The following TMEM245 variants were observed in gnomAD, a reference collection of about 807,000 sequenced individuals.
TMEM245 encodes protein CG-2.
Under a neutral mutation model 101.2 loss-of-function variants are expected in TMEM245, and 69 were observed. The observed-to-expected ratio is 0.68, with a 90% confidence interval of 0.56 to 0.83. The LOEUF (loss-of-function observed/expected upper bound fraction) is 0.83, where lower values mean the gene tolerates loss of function less well. Among genes scored for constraint, TMEM245 ranks in the 40% least tolerant of loss-of-function variants. The probability of loss-of-function intolerance (pLI) is 0.00; values close to 1 mark genes in which losing one functional copy is unlikely to be tolerated. For missense variants in TMEM245, 1,075 were observed against 1,092.8 expected (o/e 0.98, Z 0.23); for synonymous variants, 537 against 449.8 (o/e 1.19, Z -2.45).
intron 6 of TMEM245, among the ~76,000 whole-genome samples, chr9:109,086,605 T>C (rs1829846479): frequency 1.3e-5 from 2 of 152,242 alleles, no homozygotes; most frequent in Non-Finnish European, 2.9e-5. Flanking sequence ...TAGGTGCTAT[T>C]GTACCTATTT....
chr9:109,040,654 T>C (rs1225301924), intron 14 of TMEM245, among the ~76,000 whole-genome samples: 2 of 152,238 alleles, frequency 1.3e-5, no homozygotes, highest in Non-Finnish European at 2.9e-5. Flanking sequence ...CTGAATCATT[T>C]TGAGTGTGCA....
At position 109,050,281 on chromosome 9, in the gene TMEM245, A is replaced by G; in HGVS notation, c.2123+2T>C. On this transcript the variant is annotated splice_donor_variant, in intron 14 of 17. Coordinates refer to ENST00000374586, the MANE Select transcript of TMEM245 (RefSeq NM_032012.4). LOFTEE classifies it high-confidence loss of function. Reference sequence around the variant, plus strand: ...TAAGAATAGCATAAACCTTATCCCTACCTGATAGCTTCTTCCACAGACTGG... The same window carrying G: ...TAAGAATAGCATAAACCTTATCCCTGCCTGATAGCTTCTTCCACAGACTGG... 6.2e-7 allele frequency: 1 copy of G among 1,613,994 alleles called. No homozygotes were observed. The highest frequency in any genetic ancestry group is 8.5e-7 in the Non-Finnish European group (1 of 1,179,974).
At chr9:109,113,089 G>A (rs1222205279) in intron 1 of TMEM245, among the ~76,000 whole-genome samples, 2 of 152,164 alleles carry the variant, frequency 1.3e-5, no homozygotes, top group Non-Finnish European at 2.9e-5. Context: ...GGGGCCAGGG[G>A]CAGGGCGGGG....
intron 12 of TMEM245, among the ~76,000 whole-genome samples, chr9:109,051,340 A>ACACACACACAC (rs71372547): frequency 5.5e-5 from 8 of 145,180 alleles, no homozygotes; most frequent in African/African-American, 2.0e-4. Flanking sequence ...ACACACACAC[A>ACACACACACAC]TCATTGTAGA....
chr9:109,036,479 A>T (rs1828126496), intron 15 of TMEM245, 99 bp from the exon 16 acceptor site: 11 of 1,143,128 alleles, frequency 9.6e-6, no homozygotes, highest in Non-Finnish European at 1.2e-5. Context: ...AACTTCCAAC[A>T]AAACAAGTTA....
At chr9:109,047,730 T>C (rs1025177510) in intron 14 of TMEM245, among the ~76,000 whole-genome samples, 10 of 152,206 alleles carry the variant, frequency 6.6e-5, no homozygotes, top group Admixed American at 3.3e-4. Context: ...TCAGTAACAA[T>C]GAAGATTACT....
At chr9:109,059,515 A>G (rs1350809565) in intron 11 of TMEM245, among the ~76,000 whole-genome samples, 2 of 152,042 alleles carry the variant, frequency 1.3e-5, no homozygotes, top group Non-Finnish European at 2.9e-5. Flanking sequence ...CCCTGTCTCT[A>G]CAAAAAATAC....
At position 109,020,344 on chromosome 9, in the gene TMEM245, G is replaced by A. The variant is rs1289842463; in HGVS notation, c.*116C>T. The stretch of plus-strand genomic sequence containing the variant: ...CTGTATGTAAGGCCAGGAGGCTTCT[G>A]CTTCTTTCCTGGGTTTTGCTTGCTA... On this transcript the variant is annotated 3_prime_UTR_variant, in exon 18 of 18. Transcript: ENST00000374586. 4.0e-6 allele frequency: 4 copies of A among 998,000 alleles called. No individual in the cohort carries two copies. Among genetic ancestry groups the A allele is most frequent in the Non-Finnish European group, 6.5e-6 (4 of 618,834 alleles). The allele number at this position is 998,000 out of a possible 1,614,324, so 61.8% of individuals were successfully genotyped here.
rs1564160152 is a variant in TMEM245, at chr9:109,015,340, T to C, written c.*5120A>G. 6.6e-6 allele frequency: 1 copy of C among 152,224 alleles called. No individual in the cohort carries two copies. The highest frequency in any genetic ancestry group is 2.4e-5 in the African/African-American group (1 of 41,452). The allele number at this position is 152,224 out of a possible 1,614,324, so 9.4% of individuals were successfully genotyped here. A position where few individuals can be genotyped will look rare whatever the true frequency, so the allele number is the denominator to read the frequency against. On this transcript the variant is annotated 3_prime_UTR_variant, in exon 18 of 18. Coordinates refer to ENST00000374586, the MANE Select transcript of TMEM245 (RefSeq NM_032012.4). ...CCTTCACCTGAGAACCCAGGGATGA[T>C]ACATTTTCAAAGAGTTATGTAAGCA...
rs1829022481 is a variant in TMEM245, at chr9:109,061,810, C to G, written c.1624-1358G>C. 3.3e-5 allele frequency among the ~76,000 whole-genome samples: 5 copies of G among 152,108 alleles called. No individual in the cohort carries two copies. In the South Asian group the frequency reaches 1.0e-3, roughly 32 times the overall value. ...TCTTGAACTCCTAACCTCAAGTGAT[C>G]TGCCCACCTCAGCCTCCACAAGTGC... is the stretch of plus-strand genomic sequence containing the variant. On this transcript the variant is annotated intron_variant, in intron 10 of 17. Transcript: ENST00000374586.
At position 109,094,747 on chromosome 9, in the gene TMEM245, A is replaced by G. The variant is rs117926984; in HGVS notation, c.800-1156T>C. Among the ~76,000 whole-genome samples the G allele has an allele frequency of 4.0e-4, 61 of 152,300 alleles. 1 individual carries two copies. Among genetic ancestry groups the G allele is most frequent in the East Asian group, 3.9e-3 (20 of 5,186 alleles). On this transcript the variant is annotated intron_variant, in intron 3 of 17. Transcript: ENST00000374586. Reference sequence around the variant, plus strand: ...ATTTAAACTACCTGGGGTAGATTCTATTGTTCACAACTAAGAACACTAGCA... The same window carrying G: ...ATTTAAACTACCTGGGGTAGATTCTGTTGTTCACAACTAAGAACACTAGCA...
At chr9:109,021,818 C>T (rs528966100) in intron 17 of TMEM245, among the ~76,000 whole-genome samples, 41 of 151,888 alleles carry the variant, frequency 2.7e-4, no homozygotes, top group African/African-American at 9.4e-4. Flanking sequence ...CACCACCCCC[C>T]CAAAAAAAGC....
At chr9:109,102,619 T>C (rs912734109) in intron 3 of TMEM245, among the ~76,000 whole-genome samples, 3 of 152,132 alleles carry the variant, frequency 2.0e-5, no homozygotes, top group Non-Finnish European at 4.4e-5. Flanking sequence ...CTAGTTTTTT[T>C]GTGTTTTTAA....
At position 109,038,106 on chromosome 9, in the gene TMEM245, T is replaced by A; in HGVS notation, c.2135A>T (p.Asp712Val). 6.2e-7 allele frequency: 1 copy of A among 1,612,666 alleles called. No homozygotes were observed. The highest frequency in any genetic ancestry group is 8.5e-7 in the Non-Finnish European group (1 of 1,179,284). ...GAAGCCAGCCATTTTGAGGGAAGCA[T>A]CAAACACCCCTCTGGAATGCCCAAA... ...SVEEAIRGVF[D>V]ASLKMAGFYG... Residue 712 changes from aspartate to valine, a missense_variant, in exon 15 of 18, where the codon GAT (aspartate) becomes GTT (valine). Around this residue, in one of 2 missense-constraint regions of TMEM245, gnomAD observed 267 missense variants for 351.3 expected, o/e 0.76. Coordinates refer to ENST00000374586, the MANE Select transcript of TMEM245 (RefSeq NM_032012.4).
intron 2 of TMEM245, among the ~76,000 whole-genome samples, chr9:109,107,296 G>A (rs1830454010): frequency 6.6e-6 from 1 of 151,894 alleles, no homozygotes; most frequent in Middle Eastern, 3.4e-3. Flanking sequence ...CTACTTGGGG[G>A]GCTGAGACAG....
Position 109,084,946 on chromosome 9 carries a change from C to T in TMEM245, c.1344+1051G>A, listed in dbSNP as rs771114887. Among the ~76,000 whole-genome samples, 5 of 152,246 alleles carry T rather than the reference C, an allele frequency of 3.3e-5. No homozygotes were observed. In the East Asian group the frequency reaches 7.7e-4, roughly 23 times the overall value. On this transcript the variant is annotated intron_variant, in intron 7 of 17. Transcript: ENST00000374586. The stretch of plus-strand genomic sequence containing the variant: ...TCAACAGAAAAAAATGAAATCCTAA[C>T]CCATCCAAAAGTCTCATTTTGATCT...
chr9:109,098,401 CA>C (rs1358927582), intron 3 of TMEM245, among the ~76,000 whole-genome samples: 2 of 152,216 alleles, frequency 1.3e-5, no homozygotes, highest in Admixed American at 1.3e-4. Flanking sequence ...AAAGGAGTAG[CA>C]CACAGAGAAA....
chr9:109,119,421 G>A lies in TMEM245; in HGVS notation c.493C>T (p.Leu165Phe). ...GGPLLYGLYCLGSYLGVQVLL... is the reference protein window; with the variant it reads ...GGPLLYGLYCFGSYLGVQVLL... ...ACCTGCACGCCCAAGTAGCTGCCGA[G>A]GCAGTAGAGGCCGTACAGGAGCGGG... Residue 165 changes from leucine (L) to phenylalanine (F), a missense_variant, in exon 1 of 18, where the codon CTC becomes TTC. Transcript: ENST00000374586. 6.6e-7 allele frequency: 1 copy of A among 1,524,702 alleles called. No homozygotes were observed. 94.4% of individuals were successfully genotyped at this position (1,524,702 alleles called of 1,614,324 possible).
In TMEM245 at chr9:109,042,269, T is replaced by C. The variant is rs559636900; in HGVS notation, c.2124-4152A>G. ...CTGTAATAAATTACCCTAAACTCAA[T>C]TGGCTTAAAACATACTTTTTATCTT... is the stretch of plus-strand genomic sequence containing the variant. On this transcript the variant is annotated intron_variant, in intron 14 of 17. Transcript: ENST00000374586. 108 of 152,256 alleles carry C rather than the reference T, an allele frequency of 7.1e-4. 4 individuals carry two copies. Among genetic ancestry groups the C allele is most frequent in the Middle Eastern group, 3.4e-3 (1 of 294 alleles). The allele number at this position is 152,256 out of a possible 1,614,324, so 9.4% of individuals were successfully genotyped here. A position where few individuals can be genotyped will look rare whatever the true frequency, so the allele number is the denominator to read the frequency against.
Sources: allele counts gnomAD v4.1 joint callset (sites outside exome capture counted in the v4.1 genomes callset), GRCh38; gene constraint gnomAD v4.1.1; regional missense constraint gnomAD v4.1.1; transcripts MANE v1.5; gene names NCBI Gene and HGNC (gene_info 2026-07-23, HGNC 2026-07-21).